Variants in ARID1B observed in about 807,000 individuals in gnomAD.
ARID1B encodes the protein AT-rich interactive domain-containing protein 1B.
ARID1B carries 30 observed loss-of-function variants against 212.3 expected under a neutral mutation model. The observed-to-expected ratio is 0.14, with a 90% CI of 0.11 to 0.19. The LOEUF (loss-of-function observed/expected upper bound fraction) is 0.19, where lower values mean the gene tolerates loss of function less well. ARID1B is among the 10% of genes least tolerant of loss of function. The pLI is 1.00. For synonymous variants in ARID1B, 1,402 were observed against 1,301.7 expected (o/e 1.08, Z -1.66); for missense variants, 2,891 against 3,204.0 (o/e 0.90, Z 2.36).
intron 1 of ARID1B, among the ~76,000 whole-genome samples, chr6:156,803,095 G>A (rs1780901415): frequency 6.6e-6 from 1 of 151,818 alleles, no homozygotes; most frequent in African/African-American, 2.4e-5. Flanking sequence ...CTGCTATAGC[G>A]ATAGGTATAT....
intron 2 of ARID1B, among the ~76,000 whole-genome samples, chr6:156,884,005 C>G (rs936840461): frequency 6.6e-6 from 1 of 152,060 alleles, no homozygotes; most frequent in African/African-American, 2.4e-5. Flanking sequence ...TTGAGATTCT[C>G]TGGGAAAAAA....
chr6:157,025,061 A>G (rs567245001), intron 4 of ARID1B, among the ~76,000 whole-genome samples: 38 of 152,334 alleles, frequency 2.5e-4, no homozygotes, highest in Middle Eastern at 3.4e-3. Context: ...ATGTAGTTGT[A>G]TTAAATAACA....
chr6:156,856,371 G>A (rs1011700203), intron 2 of ARID1B, among the ~76,000 whole-genome samples: 4 of 152,146 alleles, frequency 2.6e-5, no homozygotes, highest in Admixed American at 2.6e-4. Context: ...TGTGCCATGT[G>A]CTGGTTTTTG....
At chr6:156,812,824 C>T (rs1372236299) in intron 1 of ARID1B, among the ~76,000 whole-genome samples, 2 of 150,606 alleles carry the variant, frequency 1.3e-5, no homozygotes, top group African/African-American at 4.9e-5. Flanking sequence ...TCCTACAGAT[C>T]CTCAACAGTT....
chr6:157,094,623 A>G lies in ARID1B; in HGVS notation c.2491+9718A>G, dbSNP rs1208849735. On this transcript the variant is annotated intron_variant, in intron 5 of 19. Transcript: ENST00000636930. The surrounding 1 kb of genome is among the most constrained non-coding windows in gnomAD (Gnocchi z 4.3). Reference sequence around the variant, plus strand: ...GCCCATGTTGGCCTCCCAAAGTGCTAGGATTACAGGCGTGAGCCACCGCGC... The same window carrying G: ...GCCCATGTTGGCCTCCCAAAGTGCTGGGATTACAGGCGTGAGCCACCGCGC... Among the ~76,000 whole-genome samples, 2 of 152,260 alleles carry G rather than the reference A, an allele frequency of 1.3e-5. No individual in the cohort carries two copies. The highest frequency in any genetic ancestry group is 1.9e-4 in the East Asian group (1 of 5,172).
intron 5 of ARID1B, among the ~76,000 whole-genome samples, chr6:157,097,771 C>G (rs1274527156): frequency 6.6e-6 from 1 of 152,276 alleles, no homozygotes; most frequent in Non-Finnish European, 1.5e-5. Context: ...CTCCTGGGGG[C>G]CCAGGTGGAC....
At position 157,138,352 on chromosome 6, in the gene ARID1B, C is replaced by T. The variant is rs190543821; in HGVS notation, c.2761+5145C>T. Among the ~76,000 whole-genome samples the T allele has an allele frequency of 6.0e-4, 92 of 152,290 alleles. 2 individuals carry two copies. Among genetic ancestry groups the T allele is most frequent in the African/African-American group, 2.0e-3 (82 of 41,560 alleles). ...TTGGGCTAAAGGGATTCTCCCACCT[C>T]AGCCTCTCTAGTAGCTGGGACCACA... On this transcript the variant is annotated intron_variant, in intron 7 of 19. Coordinates refer to ENST00000636930, the MANE Select transcript of ARID1B (RefSeq NM_001374828.1).
At chr6:156,828,435 T>C (rs1373264091) in intron 1 of ARID1B, among the ~76,000 whole-genome samples, 1 of 152,236 alleles carries the variant, frequency 6.6e-6, no homozygotes. Context: ...TGCCTGCTAC[T>C]GTAGCACCGG....
intron 8 of ARID1B, among the ~76,000 whole-genome samples, chr6:157,160,182 G>C (rs1218572889): frequency 6.6e-6 from 1 of 152,162 alleles, no homozygotes; most frequent in Non-Finnish European, 1.5e-5. Flanking sequence ...CCTGCATAGG[G>C]AGGAAAGATG....
chr6:157,146,941 G>C (rs1789773286), intron 7 of ARID1B, among the ~76,000 whole-genome samples: 2 of 152,110 alleles, frequency 1.3e-5, no homozygotes, highest in African/African-American at 4.8e-5. Flanking sequence ...GTTTGCTTGA[G>C]CTTCAGTACT....
intron 3 of ARID1B, among the ~76,000 whole-genome samples, chr6:156,919,396 TTC>T (rs1790606076): frequency 6.6e-6 from 1 of 152,218 alleles, no homozygotes; most frequent in Non-Finnish European, 1.5e-5. Flanking sequence ...TTTTTTTTCT[TTC>T]TAGTACCAGA....
intron 4 of ARID1B, among the ~76,000 whole-genome samples, chr6:156,983,461 G>C (rs1777740797): frequency 6.6e-6 from 1 of 152,188 alleles, no homozygotes; most frequent in Non-Finnish European, 1.5e-5. Context: ...CATGTGGACA[G>C]GTAGGCATTT....
intron 9 of ARID1B, among the ~76,000 whole-genome samples, chr6:157,171,404 CCTT>C (rs895509828): frequency 3.9e-5 from 6 of 152,188 alleles, no homozygotes; most frequent in African/African-American, 1.4e-4. Flanking sequence ...TAGTCGTGGT[CCTT>C]CTCTTCTGGG....
intron 3 of ARID1B, among the ~76,000 whole-genome samples, chr6:156,905,523 T>TC: frequency 6.6e-6 from 1 of 152,352 alleles, no homozygotes; most frequent in East Asian, 1.9e-4. Flanking sequence ...GTTGAAATTG[T>TC]TAATTCCATT....
rs1562494820 is a variant in ARID1B, at chr6:156,934,944, ATATATATATATATATAT to A, written c.2137-521_2137-505del. On this transcript the variant is annotated intron_variant, in intron 3 of 19. Transcript: ENST00000636930. Reference sequence around the variant, plus strand: ...TATATATATATATATATATATATATATATATATATATATATATAGTTTATATTTCTGCTGTTATTCAC... The same window carrying A: ...TATATATATATATATATATATATATAAGTTTATATTTCTGCTGTTATTCAC... Among the ~76,000 whole-genome samples the A allele has an allele frequency of 5.8e-3, 512 of 88,494 alleles. 12 individuals are homozygous for A. Among genetic ancestry groups the A allele is most frequent in the African/African-American group, 0.011 (284 of 25,290 alleles). The allele number at this position is 88,494 out of a possible 152,430, so 58.1% of individuals were successfully genotyped here.
intron 4 of ARID1B, among the ~76,000 whole-genome samples, chr6:156,987,780 G>T (rs1385983736): frequency 1.3e-5 from 2 of 152,168 alleles, no homozygotes; most frequent in Non-Finnish European, 2.9e-5. Context: ...GTCATTGACA[G>T]GCCCCATTAG....
chr6:157,193,187 CT>C (rs890176661), intron 15 of ARID1B, among the ~76,000 whole-genome samples: 10 of 152,122 alleles, frequency 6.6e-5, no homozygotes, highest in Non-Finnish European at 1.5e-4. Flanking sequence ...CATAGCTCTA[CT>C]TTTTTTAATT....
Position 157,070,234 on chromosome 6 carries a change from GAT to G in ARID1B, c.2248-14426_2248-14425del, listed in dbSNP as rs200503247. Reference sequence around the variant, plus strand: ...TTTTTTTCTTTTTTTTTTAAAGAAAGATAAAATATATTTCTCTTATTGCTAAT... The same window carrying G: ...TTTTTTTCTTTTTTTTTTAAAGAAAGAAAATATATTTCTCTTATTGCTAAT... On this transcript the variant is annotated intron_variant, in intron 4 of 19. Transcript: ENST00000636930. 8.4e-3 allele frequency among the ~76,000 whole-genome samples: 1,266 copies of G among 150,860 alleles called. 19 individuals are homozygous for G. Among genetic ancestry groups the G allele is most frequent in the African/African-American group, 0.028 (1,135 of 41,096 alleles).
At chr6:156,810,474 C>A (rs989954873) in intron 1 of ARID1B, among the ~76,000 whole-genome samples, 1 of 152,128 alleles carries the variant, frequency 6.6e-6, no homozygotes, top group Non-Finnish European at 1.5e-5. Flanking sequence ...CCTTGTAAAG[C>A]GAGAGGGGTG....
Sources: allele counts gnomAD v4.1 joint callset (sites outside exome capture counted in the v4.1 genomes callset), GRCh38; gene constraint gnomAD v4.1.1; non-coding constraint Gnocchi (gnomAD v3.1); transcripts MANE v1.5; gene names NCBI Gene and HGNC (gene_info 2026-07-23, HGNC 2026-07-21).